ATP8A2: variants seen among roughly 807,000 people sequenced by gnomAD.
ATP8A2 encodes the protein ATPase phospholipid transporting 8A2.
Under a neutral mutation model 165.6 loss-of-function variants are expected in ATP8A2, and 100 were observed. That is an observed-to-expected ratio of 0.60 (90% confidence interval 0.51 to 0.71). The LOEUF (loss-of-function observed/expected upper bound fraction) is 0.71, where lower values mean the gene tolerates loss of function less well. Ranked by LOEUF, ATP8A2 falls within the 30% of genes least tolerant of loss-of-function variation. The pLI, the probability that ATP8A2 is intolerant of heterozygous loss-of-function variation, is 0.00. For missense variants in ATP8A2, 1,227 were observed against 1,479.5 expected (o/e 0.83, Z 2.80); for synonymous variants, 543 against 548.8 (o/e 0.99, Z 0.15).
At chr13:25,850,282 A>G (rs1210660876) in intron 30 of ATP8A2, among the ~76,000 whole-genome samples, 1 of 152,154 alleles carries the variant, frequency 6.6e-6, no homozygotes, top group African/African-American at 2.4e-5. Context: ...GTTTGGTGAG[A>G]TCACATCTCT....
intron 1 of ATP8A2, among the ~76,000 whole-genome samples, chr13:25,379,221 CT>C (rs201782183): frequency 0.023 from 3,448 of 152,284 alleles, 71 homozygotes; most frequent in Non-Finnish European, 0.034. Context: ...CTCCTCCTCC[CT>C]TTTCTATCTC....
chr13:25,858,793 G>A (rs1952246036), intron 30 of ATP8A2, among the ~76,000 whole-genome samples: 1 of 152,066 alleles, frequency 6.6e-6, no homozygotes, highest in Non-Finnish European at 1.5e-5. Flanking sequence ...AAAACCAAAT[G>A]CCACATGTTG....
At chr13:25,686,945 C>T (rs577926660) in intron 24 of ATP8A2, among the ~76,000 whole-genome samples, 1 of 152,274 alleles carries the variant, frequency 6.6e-6, no homozygotes, top group Non-Finnish European at 1.5e-5. Flanking sequence ...AGAGCTGGGC[C>T]TTTGGAGTTT....
intron 8 of ATP8A2, 91 bp from the exon 9 acceptor site, chr13:25,541,828 T>A (rs1284021113): frequency 3.4e-5 from 48 of 1,416,956 alleles, no homozygotes; most frequent in Non-Finnish European, 4.1e-5. Context: ...AGATGCCTTA[T>A]TTTTCCTTTT....
At chr13:25,431,504 G>GA (rs1180258408) in intron 1 of ATP8A2, among the ~76,000 whole-genome samples, 3 of 151,896 alleles carry the variant, frequency 2.0e-5, no homozygotes, top group Admixed American at 6.6e-5. Context: ...TTCGGCGGCG[G>GA]GGGGGGAATC....
chr13:25,870,133 ACT>A (rs2138802487), intron 33 of ATP8A2, among the ~76,000 whole-genome samples: 1 of 152,108 alleles, frequency 6.6e-6, no homozygotes, highest in East Asian at 1.9e-4. Context: ...TTCTGGCCAA[ACT>A]CTGTGTCATT....
At chr13:25,853,621 C>T (rs1231900851) in intron 30 of ATP8A2, among the ~76,000 whole-genome samples, 1 of 152,112 alleles carries the variant, frequency 6.6e-6, no homozygotes, top group Non-Finnish European at 1.5e-5. Context: ...TCAGCTTAGT[C>T]TCCCATGCCT....
intron 2 of ATP8A2, among the ~76,000 whole-genome samples, chr13:25,522,245 G>A (rs562310445): frequency 3.9e-5 from 6 of 152,114 alleles, no homozygotes; most frequent in Non-Finnish European, 8.8e-5. Context: ...AAATGAGATT[G>A]TTTTCTTGAT....
Position 25,916,389 on chromosome 13 carries a change from G to A in ATP8A2, c.3184-45186G>A, listed in dbSNP as rs959386967. On this transcript the variant is annotated intron_variant, in intron 33 of 36. Coordinates refer to ENST00000381655, the MANE Select transcript of ATP8A2 (RefSeq NM_016529.6). The stretch of plus-strand genomic sequence containing the variant: ...TTTTAAATTGTCTTGCATTCCCTTG[G>A]TGGGGACATTCCAAAGAAGACAGAC... 5.2e-4 allele frequency among the ~76,000 whole-genome samples: 79 copies of A among 152,200 alleles called. 1 individual carries two copies. Among genetic ancestry groups the A allele is most frequent in the African/African-American group, 1.9e-3 (77 of 41,446 alleles).
chr13:25,617,541 T>C (rs2040857757), intron 24 of ATP8A2, among the ~76,000 whole-genome samples: 1 of 152,216 alleles, frequency 6.6e-6, no homozygotes, highest in Non-Finnish European at 1.5e-5. Flanking sequence ...AACTGAAAAC[T>C]GATTCATCTG....
chr13:25,949,904 A>G (rs1446172622), intron 33 of ATP8A2, among the ~76,000 whole-genome samples: 1 of 152,034 alleles, frequency 6.6e-6, no homozygotes, highest in African/African-American at 2.4e-5. Flanking sequence ...GAATCAAGCA[A>G]TTCTCCTGCC....
intron 24 of ATP8A2, among the ~76,000 whole-genome samples, chr13:25,647,923 A>G (rs1319979964): frequency 6.6e-6 from 1 of 151,944 alleles, no homozygotes; most frequent in Non-Finnish European, 1.5e-5. Flanking sequence ...TCCTGACCTC[A>G]GGTGGTTTGC....
chr13:25,980,258 C>G (rs1247340914), intron 35 of ATP8A2, among the ~76,000 whole-genome samples: 1 of 152,264 alleles, frequency 6.6e-6, no homozygotes, highest in East Asian at 1.9e-4. Flanking sequence ...GACTGTGCTT[C>G]CCACTGAAAG....
At chr13:25,968,766 T>C in intron 35 of ATP8A2, 87 bp downstream of exon 35, 1 of 1,065,374 alleles carries the variant, frequency 9.4e-7, no homozygotes, top group Non-Finnish European at 1.4e-6. Context: ...TTTCTCATCT[T>C]GGTTTTCGAT....
intron 35 of ATP8A2, among the ~76,000 whole-genome samples, chr13:25,995,209 CT>C (rs908927221): frequency 1.7e-3 from 250 of 146,972 alleles, no homozygotes; most frequent in African/African-American, 5.4e-3. Flanking sequence ...TGTGTCTTCT[CT>C]TTTTTTTTTC....
intron 1 of ATP8A2, among the ~76,000 whole-genome samples, chr13:25,432,106 C>T (rs1159212705): frequency 6.6e-6 from 1 of 152,188 alleles, no homozygotes; most frequent in Non-Finnish European, 1.5e-5. Context: ...TTCCATTTTA[C>T]AGATATCCCA....
At chr13:25,966,135 C>G (rs1955772197) in intron 34 of ATP8A2, among the ~76,000 whole-genome samples, 1 of 152,034 alleles carries the variant, frequency 6.6e-6, no homozygotes, top group African/African-American at 2.4e-5. Context: ...TGAAGACCCA[C>G]AGACAACTTT....
At chr13:25,524,890 C>CTTA in intron 2 of ATP8A2, among the ~76,000 whole-genome samples, 2 of 8,926 alleles carry the variant, frequency 2.2e-4, no homozygotes, top group South Asian at 9.1e-3. Context: ...TTGATAACTT[C>CTTA]CTTCCTTCCT....
intron 24 of ATP8A2, 81 bp downstream of exon 24, chr13:25,589,780 A>T (rs2138294088): frequency 1.2e-6 from 1 of 866,870 alleles, no homozygotes; most frequent in East Asian, 2.6e-5. Flanking sequence ...ATAATCAGGG[A>T]TCATGTTTTG....
Sources: allele counts gnomAD v4.1 joint callset (sites outside exome capture counted in the v4.1 genomes callset), GRCh38; gene constraint gnomAD v4.1.1; transcripts MANE v1.5; gene names NCBI Gene and HGNC (gene_info 2026-07-23, HGNC 2026-07-21).